PLB1: variants seen among roughly 807,000 people sequenced by gnomAD.
The protein encoded by PLB1 is phospholipase B1, also known as phospholipase B1, membrane-associated.
In PLB1, 242 loss-of-function variants were observed where a neutral mutation model predicts 227.4. The ratio of observed to expected loss-of-function variants is 1.06; its 90% confidence interval spans 0.96 to 1.18. The LOEUF (loss-of-function observed/expected upper bound fraction) is 1.18. Among genes scored for constraint, PLB1 ranks in the 50% most tolerant of loss-of-function variants. The probability of loss-of-function intolerance (pLI) is 0.00; values close to 1 mark genes in which losing one functional copy is unlikely to be tolerated. For missense variants in PLB1, 1,858 were observed against 1,816.3 expected (o/e 1.02, Z -0.42); for synonymous variants, 757 against 682.2 (o/e 1.11, Z -1.71).
intron 17 of PLB1, among the ~76,000 whole-genome samples, chr2:28,553,507 A>G (rs1674556808): frequency 6.6e-6 from 1 of 152,214 alleles, no homozygotes; most frequent in Non-Finnish European, 1.5e-5. Flanking sequence ...TGTTCTAGGC[A>G]GTCATCAGCA....
chr2:28,513,975 C>A (rs759494908), intron 1 of PLB1, among the ~76,000 whole-genome samples: 15 of 152,228 alleles, frequency 9.9e-5, no homozygotes, highest in Admixed American at 9.8e-4. Flanking sequence ...CATCTTTCAT[C>A]ATAATTAATG....
At chr2:28,631,703 T>C (rs6713845) in intron 54 of PLB1, among the ~76,000 whole-genome samples, 49,129 of 152,022 alleles carry the variant, frequency 0.32, 8,017 homozygotes, top group Middle Eastern at 0.35. Flanking sequence ...CTTTGGCCTA[T>C]GCAATCTGGT....
At chr2:28,514,886 C>T (rs192552262) in intron 1 of PLB1, among the ~76,000 whole-genome samples, 118 of 152,094 alleles carry the variant, frequency 7.8e-4, no homozygotes, top group African/African-American at 2.8e-3. Context: ...CATTATGTTG[C>T]CCAGGCTGGT....
chr2:28,606,582 C>A lies in PLB1; in HGVS notation c.3129+15C>A, dbSNP rs1376758605. On this transcript the variant is annotated intron_variant, in intron 43 of 57. Coordinates refer to ENST00000327757, the MANE Select transcript of PLB1 (RefSeq NM_153021.5). ...GTCCCACTCAGGTAGTAGGGGAGGA[C>A]CTGCCTGGCTCCTCTCCACAAACCA... 2.5e-6 allele frequency: 4 copies of A among 1,611,876 alleles called. No individual in the cohort carries two copies. The South Asian group carries it at 4.4e-5, about 18-fold the overall frequency.
At chr2:28,551,404 G>C (rs1046464601) in intron 16 of PLB1, among the ~76,000 whole-genome samples, 5 of 152,354 alleles carry the variant, frequency 3.3e-5, no homozygotes, top group Non-Finnish European at 4.4e-5. Flanking sequence ...GAGAAGGGGG[G>C]ACTGAGGTGA....
In PLB1 at chr2:28,563,062, ACAT is replaced by A; in HGVS notation, c.1172_1174del (p.Ile391del). The A allele has an allele frequency of 6.2e-7, 1 of 1,613,944 alleles. No homozygotes were observed. The highest frequency in any genetic ancestry group is 8.5e-7 in the Non-Finnish European group (1 of 1,179,868). ...TTAGTTCATAGGCTGAAGCCGGCTGACATCAACGTAATTGGAGCCCTGGGTGAC... is the reference window on the plus strand; with the variant it reads ...TTAGTTCATAGGCTGAAGCCGGCTGACAACGTAATTGGAGCCCTGGGTGAC... On this transcript the variant is annotated inframe_deletion, in exon 18 of 58. Transcript: ENST00000327757.
intron 56 of PLB1, among the ~76,000 whole-genome samples, chr2:28,638,827 G>GAAAAAAA (rs35972276): frequency 1.6e-5 from 1 of 63,616 alleles, no homozygotes; most frequent in African/African-American, 6.4e-5. Context: ...GCTGGAGATT[G>GAAAAAAA]AAAAAAAAAA....
intron 44 of PLB1, 23 bp downstream of exon 44, chr2:28,614,119 C>T (rs372953386): frequency 2.8e-5 from 44 of 1,588,648 alleles, no homozygotes; most frequent in African/African-American, 5.4e-5. Context: ...TCACATCTGC[C>T]TCTCTCAGAC....
chr2:28,548,072 ACT>A (rs1277118270), intron 14 of PLB1, among the ~76,000 whole-genome samples: 1 of 151,698 alleles, frequency 6.6e-6, no homozygotes. Flanking sequence ...CTCACTAGAT[ACT>A]CTAGCGGTTT....
rs1189648891 is a variant in PLB1, at chr2:28,632,156, T to G, written c.4002+16T>G. The G allele has an allele frequency of 1.3e-6, 2 of 1,598,642 alleles. No individual in the cohort carries two copies. Among genetic ancestry groups the G allele is most frequent in the South Asian group, 2.2e-5 (2 of 90,762 alleles). ...ACTGAACGAGGTGAGCTGCAGGTAT[T>G]TTAGGGAGGCTCACGTATGGGGGCC... On this transcript the variant is annotated intron_variant, in intron 55 of 57. Coordinates refer to ENST00000327757, the MANE Select transcript of PLB1 (RefSeq NM_153021.5).
At chr2:28,539,449 G>A (rs1226194284) in intron 11 of PLB1, among the ~76,000 whole-genome samples, 15 of 152,282 alleles carry the variant, frequency 9.9e-5, no homozygotes, top group African/African-American at 3.1e-4. Flanking sequence ...GCTCTCCTCA[G>A]TGCCAGAGTG....
rs145252041 is a variant in PLB1 at position 28,643,018 on chromosome 2, G to A, written c.4334G>A (p.Arg1445Gln). The A allele has an allele frequency of 5.0e-4, 813 of 1,610,346 alleles. 3 individuals are homozygous for A. The highest frequency in any genetic ancestry group is 4.9e-3 in the African/African-American group (369 of 75,006). The part of the protein sequence containing the change: ...TVVWRCRRGG[R>Q]REDPPMSLRT... Reference sequence around the variant, plus strand: ...GTCTGGAGGTGCAGGAGAGGTGGCCGGAGGGAAGATCCTCCAATGAGCCTG... The same window carrying A: ...GTCTGGAGGTGCAGGAGAGGTGGCCAGAGGGAAGATCCTCCAATGAGCCTG... The change falls in exon 58 of 58, where the codon CGG becomes CAG. Residue 1445 changes from arginine to glutamine, a missense_variant. Arg to Gln is a conservative substitution (Grantham distance 43). Transcript: ENST00000327757.
chr2:28,592,930 T>C (rs1184191840), intron 32 of PLB1, among the ~76,000 whole-genome samples: 1 of 152,254 alleles, frequency 6.6e-6, no homozygotes, highest in East Asian at 1.9e-4. Flanking sequence ...TGAACTGAAT[T>C]GTTTCTGCGG....
chr2:28,603,028 G>A, intron 39 of PLB1, 107 bp downstream of exon 39: 2 of 951,190 alleles, frequency 2.1e-6, no homozygotes, highest in Middle Eastern at 2.5e-4. Flanking sequence ...CTATCCATGT[G>A]TCCAAGTCTG....
intron 57 of PLB1, 24 bp from the exon 58 acceptor site, chr2:28,642,834 C>T: frequency 6.5e-7 from 1 of 1,548,468 alleles, no homozygotes; most frequent in African/African-American, 1.4e-5. Context: ...ATCCTTTCCA[C>T]TGACCCCCGC....
At chr2:28,599,465 TG>T (rs2148296668) in intron 35 of PLB1, among the ~76,000 whole-genome samples, 1 of 152,314 alleles carries the variant, frequency 6.6e-6, no homozygotes, top group East Asian at 1.9e-4. Context: ...GAAAGACTCT[TG>T]GTAATAGAAA....
At chr2:28,553,066 A>C in intron 17 of PLB1, 75 bp downstream of exon 17, 1 of 1,256,490 alleles carries the variant, frequency 8.0e-7, no homozygotes, top group African/African-American at 1.5e-5. Flanking sequence ...TTTCCACATA[A>C]CCTGAAATAC....
chr2:28,598,573 C>G, intron 34 of PLB1, 79 bp from the exon 35 acceptor site: 1 of 1,149,622 alleles, frequency 8.7e-7, no homozygotes, highest in Non-Finnish European at 1.3e-6. Context: ...ACTTTGGGGA[C>G]CTAGGTCCCA....
rs182390760 is a variant in PLB1, at chr2:28,526,978, C to T, written c.325+1033C>T. Among the ~76,000 whole-genome samples, 115 of 152,218 alleles carry T rather than the reference C, an allele frequency of 7.6e-4. 1 individual carries two copies. Among genetic ancestry groups the T allele is most frequent in the Non-Finnish European group, 1.5e-4 (10 of 68,020 alleles). On this transcript the variant is annotated intron_variant, in intron 6 of 57. Transcript: ENST00000327757. ...GGCCAAAGCGGTAGGCAGGAGGGTC[C>T]CCTTGGAGAGAATCAAAGGGTTCTG...
Sources: allele counts gnomAD v4.1 joint callset (sites outside exome capture counted in the v4.1 genomes callset), GRCh38; gene constraint gnomAD v4.1.1; transcripts MANE v1.5; gene names NCBI Gene and HGNC (gene_info 2026-07-23, HGNC 2026-07-21).